The following ANO6 variants were observed in gnomAD, a reference collection of about 807,000 sequenced individuals.
ANO6 encodes the protein anoctamin 6.
ANO6 carries 106 observed loss-of-function variants against 117.5 expected under a neutral mutation model. The observed-to-expected ratio is 0.90, with a 90% CI of 0.77 to 1.06. The LOEUF (loss-of-function observed/expected upper bound fraction) is 1.06, where lower values mean the gene tolerates loss of function less well. Ranked by LOEUF, ANO6 falls within the 50% of genes least tolerant of loss-of-function variation. The pLI, the probability that ANO6 is intolerant of heterozygous loss-of-function variation, is 0.00. For synonymous variants in ANO6, 367 were observed against 385.1 expected (o/e 0.95, Z 0.55); for missense variants, 955 against 1,121.1 (o/e 0.85, Z 2.12).
intron 2 of ANO6, among the ~76,000 whole-genome samples, chr12:45,327,834 A>G (rs1475222884): frequency 6.6e-6 from 1 of 152,084 alleles, no homozygotes; most frequent in East Asian, 1.9e-4. Context: ...TATATATTTT[A>G]TCAGAAAAAA....
At chr12:45,370,025 C>T (rs1941783449) in intron 9 of ANO6, among the ~76,000 whole-genome samples, 1 of 152,194 alleles carries the variant, frequency 6.6e-6, no homozygotes. Flanking sequence ...TGCTTAAAAT[C>T]ATCTTGCCTA....
intron 3 of ANO6, among the ~76,000 whole-genome samples, chr12:45,332,310 T>TCACA (rs68029687): frequency 1.1e-3 from 68 of 63,426 alleles, no homozygotes; most frequent in African/African-American, 2.2e-3. Context: ...TCTCTCTCTC[T>TCACA]CACACACACA....
intron 12 of ANO6, among the ~76,000 whole-genome samples, chr12:45,392,100 A>G (rs1444074194): frequency 6.6e-6 from 1 of 152,144 alleles, no homozygotes; most frequent in African/African-American, 2.4e-5. Context: ...TTCCTAGCCA[A>G]GGGAAGCCGT....
At chr12:45,281,170 A>T (rs993203404) in intron 1 of ANO6, among the ~76,000 whole-genome samples, 1 of 152,210 alleles carries the variant, frequency 6.6e-6, no homozygotes, top group Non-Finnish European at 1.5e-5. Context: ...TACCTTATTT[A>T]TTCATTTAGT....
At chr12:45,416,928 A>C in intron 17 of ANO6, 24 bp downstream of exon 17, 1 of 1,608,452 alleles carries the variant, frequency 6.2e-7, no homozygotes, top group Non-Finnish European at 8.5e-7. Flanking sequence ...AGCTTTACAG[A>C]GTAAAGACCT....
intron 3 of ANO6, among the ~76,000 whole-genome samples, chr12:45,334,160 A>T (rs1003997914): frequency 6.6e-6 from 1 of 152,086 alleles, no homozygotes; most frequent in African/African-American, 2.4e-5. Flanking sequence ...TAAACCATTT[A>T]CATTTAGATT....
intron 1 of ANO6, among the ~76,000 whole-genome samples, chr12:45,255,683 G>T (rs1019888656): frequency 2.0e-5 from 3 of 152,092 alleles, no homozygotes; most frequent in Admixed American, 2.0e-4. Flanking sequence ...GATTGTAATA[G>T]AATTAATGCA....
intron 7 of ANO6, among the ~76,000 whole-genome samples, chr12:45,355,805 C>T (rs1240319156): frequency 6.6e-6 from 1 of 152,172 alleles, no homozygotes; most frequent in Non-Finnish European, 1.5e-5. Flanking sequence ...CCTGTGAGTG[C>T]TTGTCCAGCC....
chr12:45,353,048 G>A (rs1457722299), intron 7 of ANO6, among the ~76,000 whole-genome samples: 1 of 142,802 alleles, frequency 7.0e-6, no homozygotes, highest in African/African-American at 3.0e-5. Flanking sequence ...GTAGTAATTG[G>A]ATCCTCATCT....
chr12:45,244,796 T>C (rs1406825849), intron 1 of ANO6, among the ~76,000 whole-genome samples: 1 of 152,180 alleles, frequency 6.6e-6, no homozygotes, highest in Non-Finnish European at 1.5e-5. Context: ...TGGGTACTGG[T>C]GGCAAGACAA....
intron 1 of ANO6, among the ~76,000 whole-genome samples, chr12:45,271,058 T>A (rs1334475346): frequency 6.6e-6 from 1 of 152,178 alleles, no homozygotes; most frequent in Non-Finnish European, 1.5e-5. Flanking sequence ...CTCACTGTAC[T>A]ATGGGCCAGG....
At chr12:45,411,876 G>A (rs1457881058) in intron 16 of ANO6, among the ~76,000 whole-genome samples, 2 of 152,122 alleles carry the variant, frequency 1.3e-5, no homozygotes, top group African/African-American at 4.8e-5. Flanking sequence ...CCATTGCACC[G>A]AGCCCGATGG....
intron 1 of ANO6, among the ~76,000 whole-genome samples, chr12:45,231,187 A>G (rs979942709): frequency 4.6e-5 from 7 of 152,246 alleles, no homozygotes; most frequent in African/African-American, 1.7e-4. Flanking sequence ...TTAAAGTTTG[A>G]TATCAAATAT....
intron 1 of ANO6, among the ~76,000 whole-genome samples, chr12:45,298,964 C>T (rs1306989927): frequency 3.3e-5 from 5 of 151,718 alleles, no homozygotes; most frequent in Admixed American, 6.6e-5. Flanking sequence ...GTCACTCCAT[C>T]GGATTTATAA....
At position 45,430,050 on chromosome 12, in the gene ANO6, A is replaced by C; in HGVS notation, c.*739A>C. The C allele has an allele frequency of 1.0e-6, 1 of 985,430 alleles. No individual in the cohort carries two copies. Among genetic ancestry groups the C allele is most frequent in the Non-Finnish European group, 1.2e-6 (1 of 829,932 alleles). 61.0% of individuals were successfully genotyped at this position (985,430 alleles called of 1,614,324 possible). On this transcript the variant is annotated 3_prime_UTR_variant, in exon 20 of 20. Transcript: ENST00000320560. ...CTAATCAATGTTGACTGCTTTGCAG[A>C]TCTCAAGGGAATAAAATGACAAAAG...
At position 45,379,269 on chromosome 12, in the gene ANO6, G is replaced by A. The variant is rs1942109323; in HGVS notation, c.1165+1156G>A. Reference sequence around the variant, plus strand: ...TCTGTTTGGTAGTGATTGTGCCTATGAAGAATTACCAAATGGATCACAGAA... The same window carrying A: ...TCTGTTTGGTAGTGATTGTGCCTATAAAGAATTACCAAATGGATCACAGAA... On this transcript the variant is annotated intron_variant, in intron 10 of 19. Coordinates refer to ENST00000320560, the MANE Select transcript of ANO6 (RefSeq NM_001025356.3). 2.6e-5 allele frequency among the ~76,000 whole-genome samples: 4 copies of A among 152,196 alleles called. No homozygotes were observed. The South Asian group carries it at 6.2e-4, about 24-fold the overall frequency.
In ANO6 at chr12:45,429,180, C is replaced by G. The variant is rs1389628059; in HGVS notation, c.2602C>G (p.Gln868Glu). 1 of 1,613,662 alleles carries G rather than the reference C, an allele frequency of 6.2e-7. No homozygotes were observed. Among genetic ancestry groups the G allele is most frequent in the Non-Finnish European group, 8.5e-7 (1 of 1,179,922 alleles). ...DVSKRTKSKI[Q>E]REKYLTQKLL... ...ATCAAAACGCACAAAGAGCAAGATCCAGAGAGAAAAATACCTAACCCAAAA... is the reference window on the plus strand; with the variant it reads ...ATCAAAACGCACAAAGAGCAAGATCGAGAGAGAAAAATACCTAACCCAAAA... Residue 868 changes from glutamine (Q) to glutamate (E), a missense_variant, in exon 20 of 20, where the codon CAG (glutamine) becomes GAG (glutamate). By Grantham distance (29) the Gln-to-Glu change is conservative (BLOSUM62 2). Transcript: ENST00000320560.
intron 2 of ANO6, among the ~76,000 whole-genome samples, chr12:45,321,603 A>C (rs575636158): frequency 1.3e-5 from 2 of 152,298 alleles, no homozygotes; most frequent in South Asian, 4.1e-4. Flanking sequence ...TTTGTCACTA[A>C]CAGGAAATGT....
intron 19 of ANO6, among the ~76,000 whole-genome samples, chr12:45,439,343 CAA>C (rs1282938925): frequency 6.6e-6 from 1 of 152,202 alleles, no homozygotes; most frequent in Non-Finnish European, 1.5e-5. Flanking sequence ...ATCCCCATAT[CAA>C]AACACTGCAT....
Sources: allele counts gnomAD v4.1 joint callset (sites outside exome capture counted in the v4.1 genomes callset), GRCh38; gene constraint gnomAD v4.1.1; transcripts MANE v1.5; gene names NCBI Gene and HGNC (gene_info 2026-07-23, HGNC 2026-07-21).